GDI2: variants seen among roughly 807,000 people sequenced by gnomAD.
GDI2 encodes the protein rab GDP dissociation inhibitor beta.
In GDI2, 22 loss-of-function variants were observed where a neutral mutation model predicts 54.2. The ratio of observed to expected loss-of-function variants is 0.41; its 90% CI spans 0.29 to 0.58. The LOEUF is 0.58. GDI2 is among the 20% of genes least tolerant of loss of function. The pLI is 0.35. For missense variants in GDI2, 422 were observed against 546.0 expected (o/e 0.77, Z 2.26); for synonymous variants, 177 against 182.1 (o/e 0.97, Z 0.23).
At chr10:5,787,649 C>G (rs1840910203) in intron 4 of GDI2, among the ~76,000 whole-genome samples, 1 of 152,212 alleles carries the variant, frequency 6.6e-6, no homozygotes, top group African/African-American at 2.4e-5. Context: ...TATCCTATTA[C>G]CACATCAGCA....
chr10:5,766,293 A>C lies in GDI2; in HGVS notation c.1139T>G (p.Phe380Cys), dbSNP rs747920234. 6.2e-7 allele frequency: 1 copy of C among 1,612,062 alleles called. No homozygotes were observed. Among genetic ancestry groups the C allele is most frequent in the Non-Finnish European group, 8.5e-7 (1 of 1,178,264 alleles). The change falls in exon 10 of 11, where the codon TTT becomes TGT. Residue 380 changes from phenylalanine to cysteine, a missense_variant and splice_region_variant. Phe to Cys is a radical substitution (Grantham distance 205, BLOSUM62 -2). Transcript: ENST00000380191. This position sits in a 1 kb window ranked among gnomAD's most constrained non-coding sequence, Gnocchi z 5.8. ...TACCAGGAGGTCACTGATGCTAACA[A>C]ATCTGGAGGGAGAGAGAATTCAGTC... ...LELLEPIEQK[F>C]VSISDLLVPK...
intron 4 of GDI2, among the ~76,000 whole-genome samples, chr10:5,793,813 A>T (rs890127753): frequency 2.4e-4 from 37 of 152,136 alleles, no homozygotes; most frequent in African/African-American, 7.7e-4. Flanking sequence ...GAAATAGGAA[A>T]TGTTAACCAG....
chr10:5,813,285 C>A lies in GDI2; in HGVS notation c.-27G>T, dbSNP rs1238983165. ...GCGGGGCAGGCGCGGACGCAGGACCCGAGCAAGGAAAAGGCGCAGGGGCTC... is the reference window on the plus strand; with the variant it reads ...GCGGGGCAGGCGCGGACGCAGGACCAGAGCAAGGAAAAGGCGCAGGGGCTC... On this transcript the variant is annotated 5_prime_UTR_variant, in exon 1 of 11. Coordinates refer to ENST00000380191, the MANE Select transcript of GDI2 (RefSeq NM_001494.4). 6.4e-7 allele frequency: 1 copy of A among 1,563,172 alleles called. No homozygotes were observed. The highest frequency in any genetic ancestry group is 8.7e-7 in the Non-Finnish European group (1 of 1,154,744).
intron 2 of GDI2, among the ~76,000 whole-genome samples, chr10:5,799,495 T>C (rs1841219844): frequency 6.7e-6 from 1 of 149,902 alleles, no homozygotes; most frequent in African/African-American, 2.5e-5. Context: ...CTACTAAAAA[T>C]ACAAAAATTA....
In GDI2 at chr10:5,766,897, C is replaced by T. The variant is rs1588963126; in HGVS notation, c.992-259G>A. 2.0e-5 allele frequency among the ~76,000 whole-genome samples: 3 copies of T among 152,206 alleles called. No individual in the cohort carries two copies. In the East Asian group the frequency reaches 5.8e-4, roughly 29 times the overall value. On this transcript the variant is annotated intron_variant, in intron 8 of 10. Coordinates refer to ENST00000380191, the MANE Select transcript of GDI2 (RefSeq NM_001494.4). This position sits in a 1 kb window ranked among gnomAD's most constrained non-coding sequence, Gnocchi z 5.8. Reference sequence around the variant, plus strand: ...TGAAGTTTGGAATGAGATCTCTTAACAGCTCTGTCATACCTAACTAAAAAA... The same window carrying T: ...TGAAGTTTGGAATGAGATCTCTTAATAGCTCTGTCATACCTAACTAAAAAA...
At chr10:5,785,370 T>C in intron 5 of GDI2, 97 bp from the exon 6 acceptor site, 1 of 858,296 alleles carries the variant, frequency 1.2e-6, no homozygotes, top group Non-Finnish European at 1.8e-6. Context: ...TCCGCTATCT[T>C]CTTTTTTGTT....
chr10:5,777,238 C>A (rs185527843), intron 6 of GDI2, among the ~76,000 whole-genome samples: 1 of 152,082 alleles, frequency 6.6e-6, no homozygotes, highest in African/African-American at 2.4e-5. Flanking sequence ...TTTGAAAGGC[C>A]GAGGCGGGTG....
chr10:5,795,286 T>C (rs1841120389), intron 3 of GDI2, among the ~76,000 whole-genome samples: 1 of 152,054 alleles, frequency 6.6e-6, no homozygotes, highest in Non-Finnish European at 1.5e-5. Context: ...CTGGCTAATT[T>C]TTTTTTGTAT....
chr10:5,810,718 A>C (rs1841465961), intron 1 of GDI2, among the ~76,000 whole-genome samples: 1 of 152,218 alleles, frequency 6.6e-6, no homozygotes, highest in South Asian at 2.1e-4. Context: ...ATTATCCAAA[A>C]GCTGTGCTCT....
rs575694853 is a variant in GDI2 at position 5,809,138 on chromosome 10, G to A, written c.45+4076C>T. Reference sequence around the variant, plus strand: ...CAGGCACCTGTAATCCCAGCTACCCGGGAGGCTGAGACAGGAGAACTGCTT... The same window carrying A: ...CAGGCACCTGTAATCCCAGCTACCCAGGAGGCTGAGACAGGAGAACTGCTT... On this transcript the variant is annotated intron_variant, in intron 1 of 10. Transcript: ENST00000380191. Among the ~76,000 whole-genome samples the A allele has an allele frequency of 8.6e-5, 13 of 151,722 alleles. No individual in the cohort carries two copies. In the South Asian group the frequency reaches 1.2e-3, roughly 15 times the overall value.
At chr10:5,804,341 A>C (rs1381096668) in intron 1 of GDI2, among the ~76,000 whole-genome samples, 3 of 152,032 alleles carry the variant, frequency 2.0e-5, no homozygotes, top group African/African-American at 7.2e-5. Flanking sequence ...TGATCTGCCC[A>C]CCTTGGCCTC....
chr10:5,805,963 G>A (rs1188663832), intron 1 of GDI2, among the ~76,000 whole-genome samples: 1 of 152,066 alleles, frequency 6.6e-6, no homozygotes, highest in Non-Finnish European at 1.5e-5. Context: ...TTTTACTCCT[G>A]GTGGATATTT....
chr10:5,786,283 G>T (rs1324874637), intron 4 of GDI2, among the ~76,000 whole-genome samples: 1 of 144,950 alleles, frequency 6.9e-6, no homozygotes, highest in African/African-American at 2.6e-5. Flanking sequence ...CGATTCTCCT[G>T]TCTCAGCCTC....
intron 4 of GDI2, among the ~76,000 whole-genome samples, chr10:5,788,849 G>A (rs1452714960): frequency 6.6e-6 from 1 of 151,616 alleles, no homozygotes. Flanking sequence ...TGCAACCTCT[G>A]CCCCTGAGGT....
chr10:5,768,495 C>A lies in GDI2; in HGVS notation c.820-111G>T, dbSNP rs61836362. The A allele has an allele frequency of 0.13, 91,141 of 682,770 alleles. 6,519 individuals are homozygous for A. The highest frequency in any genetic ancestry group is 0.18 in the East Asian group (6,650 of 36,574). The allele number at this position is 682,770 out of a possible 1,614,324, so 42.3% of individuals were successfully genotyped here. A position where few individuals can be genotyped will look rare whatever the true frequency, so the allele number is the denominator to read the frequency against. ...TTGTTAAGATATCAAAAACCATCCT[C>A]AAGTTCATATTGGTTCCCAAGGGAT... On this transcript the variant is annotated intron_variant, in intron 7 of 10. Coordinates refer to ENST00000380191, the MANE Select transcript of GDI2 (RefSeq NM_001494.4). This position sits in a 1 kb window ranked among gnomAD's most constrained non-coding sequence, Gnocchi z 4.4.
chr10:5,794,799 G>T, intron 4 of GDI2, 86 bp downstream of exon 4: 2 of 873,098 alleles, frequency 2.3e-6, no homozygotes, highest in Non-Finnish European at 1.9e-6. Flanking sequence ...TTGTTGACTG[G>T]GTCCTCTCTA....
intron 6 of GDI2, among the ~76,000 whole-genome samples, chr10:5,777,884 C>A (rs897217837): frequency 6.6e-6 from 1 of 152,106 alleles, no homozygotes; most frequent in African/African-American, 2.4e-5. Context: ...TGGAACCAAC[C>A]CAAATATCCA....
In GDI2 at chr10:5,800,669, T is replaced by C; in HGVS notation, c.82A>G (p.Lys28Glu). 1 of 1,594,208 alleles carries C rather than the reference T, an allele frequency of 6.3e-7. No homozygotes were observed. The highest frequency in any genetic ancestry group is 8.6e-7 in the Non-Finnish European group (1 of 1,161,826). The change falls in exon 2 of 11, where the codon AAG becomes GAG. Residue 28 changes from lysine to glutamate, a missense_variant. Coordinates refer to ENST00000380191, the MANE Select transcript of GDI2 (RefSeq NM_001494.4). ...TTTCGATCCATATGAAGAACTTTCTTGCCATTCACTGACATTATACCTGAC... is the reference window on the plus strand; with the variant it reads ...TTTCGATCCATATGAAGAACTTTCTCGCCATTCACTGACATTATACCTGAC... ...ILSGIMSVNG[K>E]KVLHMDRNPY...
At chr10:5,808,057 C>T (rs1215161787) in intron 1 of GDI2, among the ~76,000 whole-genome samples, 1 of 152,216 alleles carries the variant, frequency 6.6e-6, no homozygotes, top group African/African-American at 2.4e-5. Context: ...TATACCCTGG[C>T]TGGGCAAGGT....
Sources: gnomAD v4.1 joint callset for allele counts (sites outside exome capture counted in the v4.1 genomes callset) on GRCh38, gnomAD v4.1.1 for gene constraint, Gnocchi (gnomAD v3.1) non-coding constraint, MANE v1.5 for transcripts, NCBI Gene and HGNC (gene_info 2026-07-23, HGNC 2026-07-21) for gene names.